Variants in ESRRG observed in about 807,000 individuals in gnomAD.
ESRRG encodes estrogen-related receptor gamma.
A neutral mutation model predicts 44.0 loss-of-function variants in ESRRG; 13 were observed. The ratio of observed to expected loss-of-function variants is 0.30; its 90% CI spans 0.19 to 0.47. The LOEUF is 0.47. Ranked by LOEUF, ESRRG falls within the 20% of genes least tolerant of loss-of-function variation. The pLI, the probability that ESRRG is intolerant of heterozygous loss-of-function variation, is 1.00. For missense variants in ESRRG, 395 were observed against 580.6 expected (o/e 0.68, Z 3.29); for synonymous variants, 215 against 214.6 (o/e 1.00, Z -0.02).
At chr1:216,662,176 A>T (rs954554364) in intron 2 of ESRRG, among the ~76,000 whole-genome samples, 14 of 152,104 alleles carry the variant, frequency 9.2e-5, no homozygotes, top group Admixed American at 6.6e-5. Flanking sequence ...CAGGAGAAAG[A>T]GCTAAGAGGG....
intron 1 of ESRRG, among the ~76,000 whole-genome samples, chr1:217,122,931 A>G (rs1033587654): frequency 1.3e-5 from 2 of 151,844 alleles, no homozygotes; most frequent in African/African-American, 4.8e-5. Context: ...ACCTCAGGTT[A>G]TCCGCCTGCC....
At chr1:216,869,981 C>T (rs1277611527) in intron 2 of ESRRG, among the ~76,000 whole-genome samples, 3 of 151,798 alleles carry the variant, frequency 2.0e-5, no homozygotes, top group Non-Finnish European at 2.9e-5. Context: ...AAAATCAAGT[C>T]GCCTGTGTTT....
chr1:216,847,174 T>C (rs1359337741), intron 2 of ESRRG, among the ~76,000 whole-genome samples: 1 of 152,106 alleles, frequency 6.6e-6, no homozygotes, highest in Non-Finnish European at 1.5e-5. Context: ...AGGTCTGCCG[T>C]GCACAATTTG....
At chr1:216,741,623 G>T (rs1034797094) in intron 2 of ESRRG, among the ~76,000 whole-genome samples, 1 of 152,122 alleles carries the variant, frequency 6.6e-6, no homozygotes, top group Non-Finnish European at 1.5e-5. Context: ...CAGAGACCCT[G>T]TCTCATCTCA....
intron 2 of ESRRG, among the ~76,000 whole-genome samples, chr1:216,735,297 C>T (rs2089668446): frequency 6.6e-6 from 1 of 151,862 alleles, no homozygotes; most frequent in African/African-American, 2.4e-5. Context: ...CACCCTCAAA[C>T]TCCTGTGCTC....
intron 1 of ESRRG, among the ~76,000 whole-genome samples, chr1:217,031,377 A>G (rs1196093877): frequency 6.6e-6 from 1 of 152,190 alleles, no homozygotes; most frequent in Non-Finnish European, 1.5e-5. Flanking sequence ...GTTGGGAGAG[A>G]ATAAGAGGAG....
At chr1:216,790,584 GA>G (rs1290623892) in intron 2 of ESRRG, among the ~76,000 whole-genome samples, 3 of 152,060 alleles carry the variant, frequency 2.0e-5, no homozygotes, top group East Asian at 3.9e-4. Context: ...TGCAAAGATG[GA>G]AAAAATCATG....
chr1:216,667,120 C>T (rs2074107303), intron 2 of ESRRG, among the ~76,000 whole-genome samples: 1 of 152,224 alleles, frequency 6.6e-6, no homozygotes, highest in Non-Finnish European at 1.5e-5. Context: ...ACCTGAAGGG[C>T]AGCTTTCCAT....
At chr1:216,658,733 T>C (rs1346852572) in intron 2 of ESRRG, among the ~76,000 whole-genome samples, 1 of 151,034 alleles carries the variant, frequency 6.6e-6, no homozygotes, top group Non-Finnish European at 1.5e-5. Context: ...CTCAGGAGGC[T>C]GAGGCAGGAG....
At chr1:216,910,577 C>G (rs370389582) in intron 2 of ESRRG, among the ~76,000 whole-genome samples, 4 of 152,124 alleles carry the variant, frequency 2.6e-5, no homozygotes, top group South Asian at 4.1e-4. Context: ...CAGGACTGGA[C>G]AGAGGATAAA....
chr1:216,917,686 A>G (rs1456127077), intron 2 of ESRRG, among the ~76,000 whole-genome samples: 1 of 152,192 alleles, frequency 6.6e-6, no homozygotes, highest in Non-Finnish European at 1.5e-5. Flanking sequence ...TCACCCCAGT[A>G]CCTAGTACAG....
intron 2 of ESRRG, among the ~76,000 whole-genome samples, chr1:216,765,910 A>C (rs1208349820): frequency 1.3e-5 from 2 of 152,162 alleles, no homozygotes; most frequent in African/African-American, 4.8e-5. Context: ...CAAATGGAGT[A>C]TTACGGATCC....
At chr1:217,040,004 T>C (rs2151115065) in intron 1 of ESRRG, among the ~76,000 whole-genome samples, 1 of 152,192 alleles carries the variant, frequency 6.6e-6, no homozygotes, top group South Asian at 2.1e-4. Context: ...TACACACACA[T>C]GAACACACAC....
chr1:216,702,947 G>A (rs1306595809), intron 1 of ESRRG, among the ~76,000 whole-genome samples: 1 of 152,054 alleles, frequency 6.6e-6, no homozygotes, highest in Non-Finnish European at 1.5e-5. Context: ...GTGCTCAGGA[G>A]GATTCTTGCC....
chr1:216,702,912 G>A (rs1294026628), intron 1 of ESRRG, among the ~76,000 whole-genome samples: 2 of 151,770 alleles, frequency 1.3e-5, no homozygotes, highest in Non-Finnish European at 2.9e-5. Context: ...TACCCTAACA[G>A]CAGAATAAAA....
At chr1:216,822,793 TAGCAAATCTC>T (rs1300366621) in intron 2 of ESRRG, among the ~76,000 whole-genome samples, 1 of 152,202 alleles carries the variant, frequency 6.6e-6, no homozygotes, top group Non-Finnish European at 1.5e-5. Flanking sequence ...GGACTTTACT[TAGCAAATCTC>T]AGTATTATTT....
chr1:216,755,742 C>T (rs898637734), intron 2 of ESRRG, among the ~76,000 whole-genome samples: 33 of 151,894 alleles, frequency 2.2e-4, no homozygotes, highest in Non-Finnish European at 4.4e-5. Context: ...TTAGTGTAGA[C>T]CATCAGTGGC....
intron 2 of ESRRG, among the ~76,000 whole-genome samples, chr1:216,818,042 C>T (rs1303189709): frequency 2.0e-5 from 3 of 152,112 alleles, no homozygotes; most frequent in Non-Finnish European, 4.4e-5. Flanking sequence ...GTTATCATTT[C>T]TGCACTGCTG....
chr1:216,953,616 T>C (rs2067374888), intron 1 of ESRRG, among the ~76,000 whole-genome samples: 1 of 152,040 alleles, frequency 6.6e-6, no homozygotes, highest in Non-Finnish European at 1.5e-5. Flanking sequence ...TGAGGCATGG[T>C]CTTCAGTTCA....
Sources: gnomAD v4.1 joint callset for allele counts (sites outside exome capture counted in the v4.1 genomes callset) on GRCh38, gnomAD v4.1.1 for gene constraint, MANE v1.5 for transcripts, NCBI Gene and HGNC (gene_info 2026-07-23, HGNC 2026-07-21) for gene names.